The following LCLAT1 variants were observed in gnomAD, a reference collection of about 807,000 sequenced individuals.
LCLAT1 encodes lysocardiolipin acyltransferase 1, also known as 1-AGP acyltransferase 8.
LCLAT1 carries 11 observed loss-of-function variants against 30.7 expected under a neutral mutation model. The observed-to-expected ratio is 0.36, with a 90% CI of 0.23 to 0.59. The LOEUF (loss-of-function observed/expected upper bound fraction) is 0.59, where lower values mean the gene tolerates loss of function less well. Among genes scored for constraint, LCLAT1 ranks in the 20% least tolerant of loss-of-function variants. The pLI is 0.77. For missense variants in LCLAT1, 402 were observed against 458.6 expected (o/e 0.88, Z 1.13); for synonymous variants, 155 against 151.3 (o/e 1.02, Z -0.18).
intron 5 of LCLAT1, among the ~76,000 whole-genome samples, chr2:30,582,881 G>A (rs1193673745): frequency 1.3e-5 from 2 of 152,156 alleles, no homozygotes; most frequent in African/African-American, 2.4e-5. Flanking sequence ...CTTTTATGCA[G>A]CCTTAAGTTC....
intron 1 of LCLAT1, among the ~76,000 whole-genome samples, chr2:30,456,389 A>T (rs1681837101): frequency 6.6e-6 from 1 of 151,216 alleles, no homozygotes; most frequent in Admixed American, 6.6e-5. Flanking sequence ...GTCTCCACAG[A>T]TACTCCCTGG....
chr2:30,490,580 C>G (rs921881899), intron 1 of LCLAT1, among the ~76,000 whole-genome samples: 1 of 152,176 alleles, frequency 6.6e-6, no homozygotes, highest in Non-Finnish European at 1.5e-5. Context: ...TTACAATACA[C>G]TAAATTACTT....
intron 5 of LCLAT1, among the ~76,000 whole-genome samples, chr2:30,619,735 G>GC (rs1668155364): frequency 1.3e-5 from 2 of 152,142 alleles, no homozygotes; most frequent in African/African-American, 4.8e-5. Flanking sequence ...AAGCCACGAG[G>GC]ATCTTCAGGC....
At chr2:30,614,513 G>A (rs1456241153) in intron 5 of LCLAT1, among the ~76,000 whole-genome samples, 1 of 152,130 alleles carries the variant, frequency 6.6e-6, no homozygotes, top group Non-Finnish European at 1.5e-5. Context: ...GTGACTGCAA[G>A]GTTCTTGGCC....
Position 30,640,783 on chromosome 2 carries a change from C to A in LCLAT1, c.*164C>A, listed in dbSNP as rs1669264467. On this transcript the variant is annotated 3_prime_UTR_variant, in exon 6 of 6. Transcript: ENST00000379509. ...TAATTTTGTGGGAAAAATATTGCTACAATTTTTTTTAATCTCTGAATGTAA... is the reference window on the plus strand; with the variant it reads ...TAATTTTGTGGGAAAAATATTGCTAAAATTTTTTTTAATCTCTGAATGTAA... 3 of 854,896 alleles carry A rather than the reference C, an allele frequency of 3.5e-6. No homozygotes were observed. Among genetic ancestry groups the A allele is most frequent in the African/African-American group, 3.4e-5 (2 of 58,236 alleles). The allele number at this position is 854,896 out of a possible 1,614,324, so 53.0% of individuals were successfully genotyped here.
rs1669351959 is a variant in LCLAT1, at chr2:30,642,236, G to A, written c.*1617G>A. 1 of 152,136 alleles carries A rather than the reference G, an allele frequency of 6.6e-6. No homozygotes were observed. The highest frequency in any genetic ancestry group is 2.4e-5 in the African/African-American group (1 of 41,440). 9.4% of individuals were successfully genotyped at this position (152,136 alleles called of 1,614,324 possible). On this transcript the variant is annotated 3_prime_UTR_variant, in exon 6 of 6. Transcript: ENST00000379509. ...TTGACACATCATTTTTATTGGAAGA[G>A]TATTAACTGGTGCCTCTTCTGAAAC...
At chr2:30,500,158 A>C (rs1199053798) in intron 1 of LCLAT1, among the ~76,000 whole-genome samples, 2 of 152,242 alleles carry the variant, frequency 1.3e-5, no homozygotes, top group Non-Finnish European at 2.9e-5. Flanking sequence ...TTGAATAAAA[A>C]ATTATTTGAT....
chr2:30,527,081 G>A (rs1346695173), intron 2 of LCLAT1, among the ~76,000 whole-genome samples: 1 of 152,032 alleles, frequency 6.6e-6, no homozygotes, highest in African/African-American at 2.4e-5. Context: ...TAAGAATACT[G>A]TTCAGTTTAT....
chr2:30,566,956 C>A (rs145995694), intron 4 of LCLAT1, among the ~76,000 whole-genome samples: 165 of 152,176 alleles, frequency 1.1e-3, no homozygotes, highest in African/African-American at 3.8e-3. Flanking sequence ...TGTTATGGAG[C>A]GGTTTGGGTT....
intron 5 of LCLAT1, among the ~76,000 whole-genome samples, chr2:30,578,663 T>C (rs1237357958): frequency 6.6e-6 from 1 of 152,152 alleles, no homozygotes; most frequent in Non-Finnish European, 1.5e-5. Flanking sequence ...AACAAATTCC[T>C]ATTTTTGCGG....
intron 5 of LCLAT1, among the ~76,000 whole-genome samples, chr2:30,602,154 G>A (rs1043790191): frequency 6.6e-6 from 1 of 152,138 alleles, no homozygotes; most frequent in African/African-American, 2.4e-5. Flanking sequence ...TGAAAGACCT[G>A]TAGGGCTTTC....
At chr2:30,630,576 AG>A (rs1364888573) in intron 5 of LCLAT1, among the ~76,000 whole-genome samples, 3 of 152,222 alleles carry the variant, frequency 2.0e-5, no homozygotes, top group Non-Finnish European at 2.9e-5. Flanking sequence ...ACATGAAAAA[AG>A]TAAGTGATAA....
At chr2:30,587,089 C>T (rs896170759) in intron 5 of LCLAT1, among the ~76,000 whole-genome samples, 3 of 152,228 alleles carry the variant, frequency 2.0e-5, no homozygotes, top group Non-Finnish European at 2.9e-5. Flanking sequence ...AATCCCAGAC[C>T]TTGTCCTTTC....
intron 1 of LCLAT1, among the ~76,000 whole-genome samples, chr2:30,512,265 A>C (rs1004959415): frequency 6.6e-6 from 1 of 152,186 alleles, no homozygotes; most frequent in Admixed American, 6.5e-5. Context: ...AATAGAAAAA[A>C]TTAACCACTG....
At chr2:30,493,904 A>G (rs771414519) in intron 1 of LCLAT1, among the ~76,000 whole-genome samples, 1 of 152,158 alleles carries the variant, frequency 6.6e-6, no homozygotes, top group Non-Finnish European at 1.5e-5. Context: ...CTATAACCCA[A>G]CAATTTCAGA....
intron 3 of LCLAT1, among the ~76,000 whole-genome samples, chr2:30,559,089 C>T (rs1665074590): frequency 6.6e-6 from 1 of 152,052 alleles, no homozygotes; most frequent in East Asian, 1.9e-4. Context: ...AAATATTGAG[C>T]ATAAGAAGCA....
chr2:30,498,103 G>T (rs562777840), intron 1 of LCLAT1, among the ~76,000 whole-genome samples: 43 of 152,314 alleles, frequency 2.8e-4, no homozygotes, highest in African/African-American at 1.0e-3. Context: ...GACACCAAGG[G>T]TGAGGTTGGA....
intron 2 of LCLAT1, among the ~76,000 whole-genome samples, chr2:30,527,399 C>T (rs1685770042): frequency 6.6e-6 from 1 of 152,176 alleles, no homozygotes; most frequent in Non-Finnish European, 1.5e-5. Flanking sequence ...TAAATGTCAT[C>T]AGTTTTCTAT....
At chr2:30,523,818 A>T (rs1199948760) in intron 1 of LCLAT1, among the ~76,000 whole-genome samples, 2 of 152,252 alleles carry the variant, frequency 1.3e-5, no homozygotes, top group African/African-American at 4.8e-5. Flanking sequence ...CAGTGAGCCC[A>T]GATCGCACCA....
Sources: allele counts gnomAD v4.1 joint callset (sites outside exome capture counted in the v4.1 genomes callset), GRCh38; gene constraint gnomAD v4.1.1; transcripts MANE v1.5; gene names NCBI Gene and HGNC (gene_info 2026-07-23, HGNC 2026-07-21).